Variants in CNTNAP2 observed in about 807,000 individuals in gnomAD.
CNTNAP2 encodes contactin associated protein 2, also known as contactin-associated protein-like 2.
CNTNAP2 carries 98 observed loss-of-function variants against 155.2 expected under a neutral mutation model. That is an observed-to-expected ratio of 0.63 (90% CI 0.54 to 0.75). The LOEUF (loss-of-function observed/expected upper bound fraction) is 0.75, where lower values mean the gene tolerates loss of function less well. Among genes scored for constraint, CNTNAP2 ranks in the 30% least tolerant of loss-of-function variants. The pLI is 0.00. For missense variants in CNTNAP2, 1,727 were observed against 1,688.1 expected, an observed-to-expected ratio of 1.02 and a Z score of -0.40; for synonymous variants, 651 against 631.2, an observed-to-expected ratio of 1.03 and a Z score of -0.47.
intron 17 of CNTNAP2, among the ~76,000 whole-genome samples, chr7:148,154,631 T>G (rs185855604): frequency 4.7e-4 from 71 of 152,230 alleles, no homozygotes; most frequent in Non-Finnish European, 8.5e-4. Context: ...TCTAAGAAAT[T>G]GATAATAAAA....
At chr7:146,458,870 C>G (rs1796595708) in intron 1 of CNTNAP2, among the ~76,000 whole-genome samples, 1 of 152,084 alleles carries the variant, frequency 6.6e-6, no homozygotes, top group Admixed American at 6.6e-5. Flanking sequence ...TTAGGACTTG[C>G]CACCCTCGAT....
intron 12 of CNTNAP2, among the ~76,000 whole-genome samples, chr7:147,637,392 G>A (rs538743725): frequency 7.2e-5 from 11 of 152,284 alleles, no homozygotes; most frequent in Middle Eastern, 3.4e-3. Flanking sequence ...GAATGCAGAA[G>A]AAAGAGAGGC....
At chr7:147,039,331 C>T (rs1799217091) in intron 3 of CNTNAP2, among the ~76,000 whole-genome samples, 1 of 152,052 alleles carries the variant, frequency 6.6e-6, no homozygotes, top group Non-Finnish European at 1.5e-5. Context: ...GCCCAGTACC[C>T]AATAGTTATC....
At chr7:147,302,940 C>A (rs1223090170) in intron 9 of CNTNAP2, among the ~76,000 whole-genome samples, 1 of 152,208 alleles carries the variant, frequency 6.6e-6, no homozygotes, top group Middle Eastern at 3.2e-3. Flanking sequence ...GAGGTCCCAG[C>A]TCTCTAACTT....
intron 18 of CNTNAP2, among the ~76,000 whole-genome samples, chr7:148,207,327 C>T (rs1206893031): frequency 1.3e-5 from 2 of 152,178 alleles, no homozygotes; most frequent in African/African-American, 4.8e-5. Context: ...CAGCCCGCCT[C>T]TTAGGCTGGC....
chr7:146,231,040 A>ATAT, intron 1 of CNTNAP2, among the ~76,000 whole-genome samples: 1 of 141,264 alleles, frequency 7.1e-6, no homozygotes, highest in South Asian at 2.4e-4. Context: ...ATAAATAAAT[A>ATAT]AAAAGTTAAT....
chr7:146,179,395 AAG>A (rs1798518407), intron 1 of CNTNAP2, among the ~76,000 whole-genome samples: 1 of 134,354 alleles, frequency 7.4e-6, no homozygotes, highest in African/African-American at 3.2e-5. Context: ...TTTGATATCA[AAG>A]AAATATAACC....
chr7:146,770,581 A>C (rs1252305961), intron 1 of CNTNAP2, among the ~76,000 whole-genome samples: 2 of 151,924 alleles, frequency 1.3e-5, no homozygotes, highest in Non-Finnish European at 2.9e-5. Flanking sequence ...ATTGGCCCTG[A>C]TCTTTACTAA....
intron 1 of CNTNAP2, among the ~76,000 whole-genome samples, chr7:146,351,306 C>A (rs1794911719): frequency 6.6e-6 from 1 of 151,618 alleles, no homozygotes; most frequent in African/African-American, 2.4e-5. Context: ...ATTGGCTGAT[C>A]AAATAAAAAC....
At chr7:148,028,405 C>CAGTT in intron 15 of CNTNAP2, among the ~76,000 whole-genome samples, 1 of 152,116 alleles carries the variant, frequency 6.6e-6, no homozygotes, top group South Asian at 2.1e-4. Context: ...TGGGAAAAAT[C>CAGTT]AGTTTAACCC....
chr7:147,127,867 T>C (rs1325179221), intron 6 of CNTNAP2, among the ~76,000 whole-genome samples: 1 of 152,212 alleles, frequency 6.6e-6, no homozygotes, highest in African/African-American at 2.4e-5. Flanking sequence ...AATTAGCGGT[T>C]GGCTTCATTT....
intron 11 of CNTNAP2, among the ~76,000 whole-genome samples, chr7:147,500,541 A>G (rs1310176206): frequency 1.3e-5 from 2 of 152,156 alleles, no homozygotes; most frequent in Non-Finnish European, 2.9e-5. Context: ...TTGAACACAA[A>G]TGCCTATCCC....
chr7:147,746,603 C>T (rs913141527), intron 13 of CNTNAP2, among the ~76,000 whole-genome samples: 4 of 152,086 alleles, frequency 2.6e-5, no homozygotes, highest in African/African-American at 9.7e-5. Flanking sequence ...TTATCCCATG[C>T]TACTTCCCTG....
intron 18 of CNTNAP2, among the ~76,000 whole-genome samples, chr7:148,174,421 C>CA (rs920369627): frequency 6.9e-6 from 1 of 144,008 alleles, no homozygotes; most frequent in Non-Finnish European, 1.5e-5. Flanking sequence ...CCTGTGACCG[C>CA]CCCCCACCTC....
At chr7:146,791,693 T>C (rs1205984164) in intron 2 of CNTNAP2, among the ~76,000 whole-genome samples, 2 of 152,184 alleles carry the variant, frequency 1.3e-5, no homozygotes, top group Admixed American at 6.6e-5. Context: ...ATTTGGAAAT[T>C]ATCAGTTCTC....
At position 146,242,235 on chromosome 7, in the gene CNTNAP2, AGAAAAT is replaced by A. The variant is rs147680567; in HGVS notation, c.97+125265_97+125270del. Among the ~76,000 whole-genome samples, 78 of 152,276 alleles carry A rather than the reference AGAAAAT, an allele frequency of 5.1e-4. 1 individual carries two copies. The East Asian group carries it at 0.014, about 28-fold the overall frequency. ...TTTGTCTTAACACATTCAGGGCAGAAGAAAATGAGAAAAAATAAAACAGGCCGGGCG... is the reference window on the plus strand; with the variant it reads ...TTTGTCTTAACACATTCAGGGCAGAAGAGAAAAAATAAAACAGGCCGGGCG... On this transcript the variant is annotated intron_variant, in intron 1 of 23. Coordinates refer to ENST00000361727, the MANE Select transcript of CNTNAP2 (RefSeq NM_014141.6).
At chr7:147,426,200 T>TA (rs1209763423) in intron 10 of CNTNAP2, among the ~76,000 whole-genome samples, 5 of 151,634 alleles carry the variant, frequency 3.3e-5, no homozygotes, top group Non-Finnish European at 7.4e-5. Context: ...TTTTTTTAAA[T>TA]AAAAAAGAGC....
At chr7:147,842,056 CAT>C (rs1351541292) in intron 13 of CNTNAP2, among the ~76,000 whole-genome samples, 2 of 152,056 alleles carry the variant, frequency 1.3e-5, no homozygotes, top group African/African-American at 4.8e-5. Context: ...AAAATAAATA[CAT>C]ATGTTTCACT....
intron 3 of CNTNAP2, among the ~76,000 whole-genome samples, chr7:146,906,269 G>T (rs1468147426): frequency 6.6e-6 from 1 of 152,228 alleles, no homozygotes; most frequent in Non-Finnish European, 1.5e-5. Context: ...AAACAAAGCA[G>T]CCAGGAAGCT....
Sources: gnomAD v4.1 joint callset for allele counts (sites outside exome capture counted in the v4.1 genomes callset) on GRCh38, gnomAD v4.1.1 for gene constraint, MANE v1.5 for transcripts, NCBI Gene and HGNC (gene_info 2026-07-23, HGNC 2026-07-21) for gene names.